The following CACNB2 variants were observed in gnomAD, a reference collection of about 807,000 sequenced individuals.
CACNB2 encodes voltage-dependent L-type calcium channel subunit beta-2.
A neutral mutation model predicts 73.3 loss-of-function variants in CACNB2; 42 were observed. The ratio of observed to expected loss-of-function variants is 0.57; its 90% CI spans 0.45 to 0.74. The LOEUF is 0.74. Ranked by LOEUF, CACNB2 falls within the 30% of genes least tolerant of loss-of-function variation. The pLI, the probability that CACNB2 is intolerant of heterozygous loss-of-function variation, is 0.00. For missense variants in CACNB2, 940 were observed against 853.0 expected (o/e 1.10, Z -1.27); for synonymous variants, 348 against 310.3 (o/e 1.12, Z -1.28).
At chr10:18,230,454 G>T (rs992170406) in intron 2 of CACNB2, among the ~76,000 whole-genome samples, 3 of 152,040 alleles carry the variant, frequency 2.0e-5, no homozygotes. Context: ...TGGTATGATT[G>T]GAACTAGTCC....
intron 3 of CACNB2, among the ~76,000 whole-genome samples, chr10:18,459,934 G>A (rs756768489): frequency 2.6e-5 from 4 of 152,202 alleles, no homozygotes; most frequent in Non-Finnish European, 5.9e-5. Flanking sequence ...GGAGGCCGAG[G>A]TTGCAGTGAG....
intron 2 of CACNB2, among the ~76,000 whole-genome samples, chr10:18,273,019 A>G (rs960384480): frequency 6.6e-6 from 1 of 152,146 alleles, no homozygotes; most frequent in Admixed American, 6.5e-5. Flanking sequence ...TAATCTCTCA[A>G]TGTGACTTCA....
intron 2 of CACNB2, among the ~76,000 whole-genome samples, chr10:18,267,720 T>C (rs2037874414): frequency 1.3e-5 from 2 of 152,206 alleles, no homozygotes; most frequent in African/African-American, 4.8e-5. Flanking sequence ...TCTGGGCATG[T>C]GTAGAGAATG....
chr10:18,454,111 A>G (rs1403347938), intron 3 of CACNB2, among the ~76,000 whole-genome samples: 1 of 152,192 alleles, frequency 6.6e-6, no homozygotes, highest in Non-Finnish European at 1.5e-5. Context: ...TAAACAGGAC[A>G]GTGAGGGGTA....
intron 3 of CACNB2, among the ~76,000 whole-genome samples, chr10:18,452,531 C>T (rs1474501839): frequency 6.6e-6 from 1 of 152,158 alleles, no homozygotes; most frequent in Non-Finnish European, 1.5e-5. Flanking sequence ...TAAAGGTTAT[C>T]AAGGTTGACC....
At chr10:18,218,319 G>A (rs939064241) in intron 2 of CACNB2, among the ~76,000 whole-genome samples, 12 of 152,204 alleles carry the variant, frequency 7.9e-5, no homozygotes, top group East Asian at 5.8e-4. Flanking sequence ...TCAGACAGAC[G>A]AACTGATTTG....
intron 2 of CACNB2, among the ~76,000 whole-genome samples, chr10:18,331,736 A>T (rs1310413382): frequency 6.6e-6 from 1 of 152,180 alleles, no homozygotes; most frequent in Non-Finnish European, 1.5e-5. Context: ...CAACTTAGCC[A>T]GTTAGTTAAT....
At chr10:18,409,320 T>G (rs1479100124) in intron 3 of CACNB2, among the ~76,000 whole-genome samples, 3 of 131,122 alleles carry the variant, frequency 2.3e-5, no homozygotes, top group South Asian at 2.6e-4. Flanking sequence ...AAAAAAAAAG[T>G]AGAGACAAAG....
chr10:18,258,034 C>A (rs745706391), intron 2 of CACNB2, among the ~76,000 whole-genome samples: 5 of 152,080 alleles, frequency 3.3e-5, no homozygotes, highest in Admixed American at 6.6e-5. Context: ...GTGAGCCACC[C>A]CGCCCAGCCT....
chr10:18,409,408 GAC>G (rs2132611913), intron 3 of CACNB2, among the ~76,000 whole-genome samples: 1 of 152,200 alleles, frequency 6.6e-6, no homozygotes, highest in East Asian at 1.9e-4. Context: ...AAACTGCTGG[GAC>G]TACAGATATG....
chr10:18,340,683 T>C (rs988269192), intron 2 of CACNB2: 4 of 1,398,744 alleles, frequency 2.9e-6, no homozygotes, highest in Non-Finnish European at 3.7e-6. Flanking sequence ...CGTTTGTTAA[T>C]TGACTTTGAT....
chr10:18,453,057 T>C (rs2047090391), intron 3 of CACNB2, among the ~76,000 whole-genome samples: 1 of 152,178 alleles, frequency 6.6e-6, no homozygotes, highest in African/African-American at 2.4e-5. Flanking sequence ...GCTCAGATGA[T>C]CTGTACTGAT....
intron 2 of CACNB2, among the ~76,000 whole-genome samples, chr10:18,350,055 C>T (rs989009648): frequency 1.3e-5 from 2 of 151,964 alleles, no homozygotes; most frequent in Admixed American, 1.3e-4. Context: ...ACCAGCCTGG[C>T]CAACATGGTG....
chr10:18,433,119 G>A (rs2045970890), intron 3 of CACNB2, among the ~76,000 whole-genome samples: 1 of 69,212 alleles, frequency 1.4e-5, no homozygotes, highest in Non-Finnish European at 2.7e-5. Context: ...GTATATGCGT[G>A]TATTGATATA....
At chr10:18,240,807 C>T (rs2036620611) in intron 2 of CACNB2, among the ~76,000 whole-genome samples, 1 of 152,204 alleles carries the variant, frequency 6.6e-6, no homozygotes, top group East Asian at 1.9e-4. Flanking sequence ...CCCATCCTGC[C>T]TGCCTACTCA....
At chr10:18,477,870 T>C (rs1476661597) in intron 3 of CACNB2, among the ~76,000 whole-genome samples, 2 of 152,224 alleles carry the variant, frequency 1.3e-5, no homozygotes, top group Admixed American at 6.5e-5. Context: ...GGCAACTTCT[T>C]GCATGGCTCA....
chr10:18,174,288 C>CTCTT (rs1313304520), intron 2 of CACNB2, among the ~76,000 whole-genome samples: 1 of 122,270 alleles, frequency 8.2e-6, no homozygotes, highest in African/African-American at 3.1e-5. Flanking sequence ...CTCTCTTTCT[C>CTCTT]TCTTTTCCTT....
Position 18,361,511 on chromosome 10 carries a change from A to AC in CACNB2, c.214-40413_214-40412insC, listed in dbSNP as rs1215953084. ...AAGACTCTATCTCAAAAAAAAAAAA[A>AC]AGAAAGAAAGAAAAAACAATTCCAG... On this transcript the variant is annotated intron_variant, in intron 2 of 13. Coordinates refer to ENST00000324631, the MANE Select transcript of CACNB2 (RefSeq NM_201596.3). Among the ~76,000 whole-genome samples the AC allele has an allele frequency of 6.6e-5, 10 of 150,836 alleles. No homozygotes were observed. The East Asian group carries it at 1.6e-3, about 24-fold the overall frequency.
At chr10:18,152,281 A>G (rs998681672) in intron 2 of CACNB2, among the ~76,000 whole-genome samples, 1 of 152,196 alleles carries the variant, frequency 6.6e-6, no homozygotes, top group African/African-American at 2.4e-5. Context: ...CAACTGGAAA[A>G]AAACTGGTCC....
Sources: gnomAD v4.1 joint callset for allele counts (sites outside exome capture counted in the v4.1 genomes callset) on GRCh38, gnomAD v4.1.1 for gene constraint, MANE v1.5 for transcripts, NCBI Gene and HGNC (gene_info 2026-07-23, HGNC 2026-07-21) for gene names.